Variants in POLR1C observed in about 807,000 individuals in gnomAD.
The protein encoded by POLR1C is DNA-directed RNA polymerases I and III subunit RPAC1.
In POLR1C, 42 loss-of-function variants were observed where a neutral mutation model predicts 38.3. The ratio of observed to expected loss-of-function variants is 1.10; its 90% confidence interval spans 0.86 to 1.42. The LOEUF is 1.42. Among genes scored for constraint, POLR1C ranks in the 40% most tolerant of loss-of-function variants. The probability of loss-of-function intolerance (pLI) is 0.00; values close to 1 mark genes in which losing one functional copy is unlikely to be tolerated. For synonymous variants in POLR1C, 163 were observed against 163.9 expected, an observed-to-expected ratio of 0.99 and a Z score of 0.04; for missense variants, 507 against 450.5, an observed-to-expected ratio of 1.13 and a Z score of -1.14.
rs1350358815 is a variant in POLR1C at position 43,520,966 on chromosome 6, G to A, written c.840G>A (p.Leu280=). 6.2e-7 allele frequency: 1 copy of A among 1,614,158 alleles called. No individual in the cohort carries two copies. The highest frequency in any genetic ancestry group is 1.7e-5 in the Admixed American group (1 of 60,020). ...TGGCCAGAGTTGCCAACCCCCGGCTGGATACCTTCAGCAGAGAAATCTTCC... is the reference window on the plus strand; with the variant it reads ...TGGCCAGAGTTGCCAACCCCCGGCTAGATACCTTCAGCAGAGAAATCTTCC... ...KKVARVANPR[L]DTFSREIFRN... is the part of the protein sequence containing the mutation. Residue 280 remains leucine, a synonymous_variant, in exon 8 of 9, where the codon CTG becomes CTA. Coordinates refer to ENST00000642195, the MANE Select transcript of POLR1C (RefSeq NM_203290.4).
downstream of POLR1C, among the ~76,000 whole-genome samples, chr6:43,531,900 C>A (rs1268594736): frequency 1.3e-5 from 2 of 152,140 alleles, no homozygotes; most frequent in African/African-American, 4.8e-5. Flanking sequence ...GTTATGAAAC[C>A]CCTTTTTTAA....
In POLR1C at chr6:43,520,999, G is replaced by T. The variant is rs372836799; in HGVS notation, c.873G>T (p.Glu291Asp). ...TCAGCAGAGAAATCTTCCGGAATGAGAAGCTAAAGAAGGTTGTGAGGCTTG... is the reference window on the plus strand; with the variant it reads ...TCAGCAGAGAAATCTTCCGGAATGATAAGCTAAAGAAGGTTGTGAGGCTTG... ...DTFSREIFRN[E>D]KLKKVVRLAR... The change falls in exon 8 of 9, where the codon GAG becomes GAT. Residue 291 changes from glutamate (E) to aspartate (D), a missense_variant. Coordinates refer to ENST00000642195, the MANE Select transcript of POLR1C (RefSeq NM_203290.4). 1.4e-5 allele frequency: 23 copies of T among 1,614,230 alleles called. No homozygotes were observed. The highest frequency in any genetic ancestry group is 1.9e-5 in the Non-Finnish European group (22 of 1,180,044).
In POLR1C at chr6:43,521,436, G is replaced by A; in HGVS notation, c.*136G>A. The A allele has an allele frequency of 1.3e-6, 2 of 1,544,086 alleles. No homozygotes were observed. Among genetic ancestry groups the A allele is most frequent in the South Asian group, 2.4e-5 (2 of 84,812 alleles). On this transcript the variant is annotated 3_prime_UTR_variant, in exon 9 of 9. Transcript: ENST00000642195. ...ATTCCAGCTTTAATCAATACATTTT[G>A]TTAAATGTGCCATAAAATGAGACTT... is the stretch of plus-strand genomic sequence containing the variant.
chr6:43,520,219 C>G, intron 5 of POLR1C, 34 bp downstream of exon 5: 1 of 1,614,048 alleles, frequency 6.2e-7, no homozygotes, highest in South Asian at 1.1e-5. Flanking sequence ...GAGGCCCCAC[C>G]TGTGGGTAGC....
chr6:43,520,602 G>C (rs1231258290), intron 6 of POLR1C, 23 bp from the exon 7 acceptor site: 10 of 1,613,948 alleles, frequency 6.2e-6, no homozygotes, highest in Non-Finnish European at 8.5e-6. Context: ...TTTCCTATAG[G>C]CACGTTCCCT....
chr6:43,526,823 C>T, intron 8 of POLR1C: 2 of 1,476,580 alleles, frequency 1.4e-6, no homozygotes, highest in African/African-American at 1.4e-5. Context: ...GCCCACTGAT[C>T]CCAACCTGTC....
At chr6:43,549,970 A>G (rs1334894899) in intron 9 of POLR1C, 2 of 1,604,318 alleles carry the variant, frequency 1.2e-6, no homozygotes, top group African/African-American at 1.3e-5. Flanking sequence ...ACTCATGTTT[A>G]TTTGTTTTAG....
intron 10 of POLR1C, among the ~76,000 whole-genome samples, chr6:43,559,713 TATA>T (rs1216299350): frequency 6.6e-6 from 1 of 152,248 alleles, no homozygotes; most frequent in African/African-American, 2.4e-5. Flanking sequence ...GAAGAGCAGT[TATA>T]ATAACCAGTA....
chr6:43,525,292 G>A (rs751831467), downstream of POLR1C: 18 of 1,396,626 alleles, frequency 1.3e-5, no homozygotes, highest in East Asian at 5.0e-5. Context: ...ATCAGGAGCC[G>A]GAGGGTTTTT....
intron 9 of POLR1C, chr6:43,539,483 T>C: frequency 1.9e-6 from 3 of 1,573,166 alleles, no homozygotes; most frequent in Non-Finnish European, 1.7e-6. Flanking sequence ...GGACTTGATC[T>C]TCATGTCCTT....
rs1176794982 is a variant in POLR1C at position 43,549,567 on chromosome 6, G to C, written c.*5-1401G>C. ...GCCTCCTCACATTCCTCACTGCCCGGGTTCTGGGGGCCTGAAAAGAGACAT... is the reference window on the plus strand; with the variant it reads ...GCCTCCTCACATTCCTCACTGCCCGCGTTCTGGGGGCCTGAAAAGAGACAT... On this transcript the variant is annotated intron_variant, in intron 9 of 10. Coordinates refer to the POLR1C transcript ENST00000607635. The C allele has an allele frequency of 6.8e-6, 11 of 1,612,934 alleles. No homozygotes were observed. Among genetic ancestry groups the C allele is most frequent in the Non-Finnish European group, 9.3e-6 (11 of 1,179,592 alleles).
chr6:43,524,934 G>A (rs774492981), downstream of POLR1C: 3 of 1,613,856 alleles, frequency 1.9e-6, no homozygotes, highest in Admixed American at 1.7e-5. Flanking sequence ...GAAAAGCCAC[G>A]TAACTGCATC....
chr6:43,559,980 C>T (rs1762326130), intron 10 of POLR1C, among the ~76,000 whole-genome samples: 1 of 152,176 alleles, frequency 6.6e-6, no homozygotes, highest in Admixed American at 6.5e-5. Context: ...ACATGCCCTG[C>T]TAATTTTTTT....
intron 9 of POLR1C, chr6:43,539,471 AG>A (rs1794560728): frequency 6.3e-7 from 1 of 1,575,312 alleles, no homozygotes; most frequent in South Asian, 1.1e-5. Flanking sequence ...GATCTCCTCC[AG>A]GGACTTGATC....
chr6:43,558,638 T>G (rs1762242348), intron 10 of POLR1C: 10 of 1,435,870 alleles, frequency 7.0e-6, no homozygotes, highest in Non-Finnish European at 9.4e-6. Flanking sequence ...GTGGACCCAC[T>G]GAAAGAGTTT....
At chr6:43,532,376 G>A (rs985990864), downstream of POLR1C, among the ~76,000 whole-genome samples, 2 of 152,068 alleles carry the variant, frequency 1.3e-5, no homozygotes, top group Admixed American at 6.6e-5. Context: ...GACCACAGCC[G>A]GGCTCAGACA....
At chr6:43,540,381 A>G (rs1794628810) in intron 9 of POLR1C, among the ~76,000 whole-genome samples, 1 of 152,228 alleles carries the variant, frequency 6.6e-6, no homozygotes, top group Admixed American at 6.5e-5. Flanking sequence ...TGGGAGGCTG[A>G]AGCAGGAGAA....
downstream of POLR1C, chr6:43,521,532 G>C: frequency 8.2e-7 from 1 of 1,224,258 alleles, no homozygotes; most frequent in Non-Finnish European, 1.0e-6. Flanking sequence ...GACTACTTTT[G>C]AGTTTGTTTT....
At chr6:43,528,164 C>G in intron 8 of POLR1C, 1 of 1,593,106 alleles carries the variant, frequency 6.3e-7, no homozygotes, top group Non-Finnish European at 8.6e-7. Context: ...CTTACCACAG[C>G]AGGCTCCTTT....
Sources: gnomAD v4.1 joint callset for allele counts (sites outside exome capture counted in the v4.1 genomes callset) on GRCh38, gnomAD v4.1.1 for gene constraint, MANE v1.5 for transcripts, NCBI Gene and HGNC (gene_info 2026-07-23, HGNC 2026-07-21) for gene names.